NRK: variants seen among roughly 807,000 people sequenced by gnomAD.
The protein encoded by NRK is nik-related protein kinase.
A neutral mutation model predicts 125.2 loss-of-function variants in NRK; 67 were observed. The ratio of observed to expected loss-of-function variants is 0.54; its 90% CI spans 0.44 to 0.66. NRK has a LOEUF of 0.66. Ranked by LOEUF, NRK falls within the 30% of genes least tolerant of loss-of-function variation. NRK has a pLI of 0.00. For missense variants in NRK, 1,224 were observed against 1,192.9 expected, an observed-to-expected ratio of 1.03 and a Z score of -0.38; for synonymous variants, 458 against 429.0, an observed-to-expected ratio of 1.07 and a Z score of -0.84.
Position 105,884,744 on chromosome X carries a change from A to C in NRK, c.252+2965A>C, listed in dbSNP as rs2039921126. On this transcript the variant is annotated intron_variant, in intron 4 of 28. Coordinates refer to ENST00000243300, the MANE Select transcript of NRK (RefSeq NM_198465.4). ...CCTAGGTCATTGCTCAAAAGAGTTA[A>C]GGAAATCTTTTTTTTCACTGGATTT... Among the ~76,000 whole-genome samples the C allele has an allele frequency of 4.5e-5, 5 of 112,273 alleles. No individual in the cohort carries two copies. The Admixed American group carries it at 4.7e-4, about 11-fold the overall frequency.
chrX:105,864,861 C>A (rs1183560492), intron 2 of NRK, among the ~76,000 whole-genome samples: 2 of 110,548 alleles, frequency 1.8e-5, no homozygotes, highest in Non-Finnish European at 3.8e-5. Context: ...CTTCTCTCTC[C>A]TCTCCCTTCT....
intron 7 of NRK, among the ~76,000 whole-genome samples, chrX:105,896,281 G>A (rs2040081934): frequency 9.0e-6 from 1 of 111,653 alleles, no homozygotes. Flanking sequence ...GGATATAGAG[G>A]ATAAGTCACT....
At position 105,822,801 on chromosome X, in the gene NRK, G is replaced by A; in HGVS notation, c.-45G>A. The A allele has an allele frequency of 8.9e-7, 1 of 1,126,888 alleles. No homozygotes were observed. The highest frequency in any genetic ancestry group is 1.2e-6 in the Non-Finnish European group (1 of 835,317). 92.9% of individuals were successfully genotyped at this position (1,126,888 alleles called of 1,213,427 possible). On this transcript the variant is annotated 5_prime_UTR_variant, in exon 1 of 29. Transcript: ENST00000243300. ...CATCCGCTTCCACCTCAGACTCTGC[G>A]CGCACCCAATTCAGTCGCCCGCTCC...
At chrX:105,900,151 TACACACACACACACACACACACAC>T (rs202022404) in intron 8 of NRK, among the ~76,000 whole-genome samples, 1 of 89,397 alleles carries the variant, frequency 1.1e-5, no homozygotes, top group Non-Finnish European at 2.3e-5. Flanking sequence ...ACTGCTGAAG[TACACACACACACACACACACACAC>T]ACACACACAC....
intron 4 of NRK, among the ~76,000 whole-genome samples, chrX:105,882,726 A>T (rs772688638): frequency 1.8e-5 from 2 of 111,146 alleles, no homozygotes; most frequent in South Asian, 7.6e-4. Flanking sequence ...CTCATGACTC[A>T]TCTATTAAGT....
chrX:105,910,827 C>T (rs1406489123), intron 13 of NRK, among the ~76,000 whole-genome samples: 4 of 111,393 alleles, frequency 3.6e-5, no homozygotes, highest in Non-Finnish European at 7.5e-5. Flanking sequence ...GACCAGTTGG[C>T]GTCAGTGGGG....
intron 6 of NRK, 75 bp from the exon 7 acceptor site, chrX:105,895,356 ACT>A: frequency 1.3e-6 from 1 of 779,503 alleles, no homozygotes; most frequent in South Asian, 2.2e-5. Flanking sequence ...AATACTAAGA[ACT>A]GTACCAGAAA....
At chrX:105,941,990 T>G (rs1451503649) in intron 23 of NRK, among the ~76,000 whole-genome samples, 1 of 111,476 alleles carries the variant, frequency 9.0e-6, no homozygotes, top group East Asian at 2.8e-4. Context: ...AGGACTTTCT[T>G]TCTCTATTGA....
chrX:105,919,025 G>C (rs1475111891), intron 16 of NRK, among the ~76,000 whole-genome samples: 3 of 55,016 alleles, frequency 5.5e-5, no homozygotes, highest in African/African-American at 2.2e-4. Flanking sequence ...AAAAAAAAAA[G>C]CACAAGTACA....
intron 11 of NRK, among the ~76,000 whole-genome samples, chrX:105,906,961 T>C (rs1473659963): frequency 1.8e-5 from 2 of 110,586 alleles, no homozygotes; most frequent in Non-Finnish European, 3.8e-5. Context: ...TATATCTTGC[T>C]TTTTTTTCAG....
At chrX:105,866,767 CAT>C (rs758776037) in intron 2 of NRK, among the ~76,000 whole-genome samples, 8 of 112,257 alleles carry the variant, frequency 7.1e-5, no homozygotes, top group African/African-American at 9.7e-5. Flanking sequence ...GCCTCTCACA[CAT>C]ATCAAATGAT....
intron 27 of NRK, among the ~76,000 whole-genome samples, chrX:105,951,240 T>A (rs371406252): frequency 5.4e-5 from 6 of 111,282 alleles, no homozygotes; most frequent in African/African-American, 2.0e-4. Flanking sequence ...GAAATGGTTA[T>A]AAGGAAATTC....
In NRK at chrX:105,914,747, T is replaced by A. The variant is rs755614899; in HGVS notation, c.2350-983T>A. 2.8e-5 allele frequency among the ~76,000 whole-genome samples: 3 copies of A among 108,049 alleles called. No homozygotes were observed. In the East Asian group the frequency reaches 8.7e-4, roughly 31 times the overall value. 93.8% of individuals were successfully genotyped at this position (108,049 alleles called of 115,157 possible). On this transcript the variant is annotated intron_variant, in intron 14 of 28. Coordinates refer to ENST00000243300, the MANE Select transcript of NRK (RefSeq NM_198465.4). Reference sequence around the variant, plus strand: ...GAGAGAGCCTTGATAAGCCACTTCATAAAGAAAAAATAGTTTACTAAGGCT... The same window carrying A: ...GAGAGAGCCTTGATAAGCCACTTCAAAAAGAAAAAATAGTTTACTAAGGCT...
At chrX:105,902,792 T>A (rs943385422) in intron 9 of NRK, among the ~76,000 whole-genome samples, 1 of 111,303 alleles carries the variant, frequency 9.0e-6, no homozygotes, top group African/African-American at 3.3e-5. Flanking sequence ...ATATTTCTTA[T>A]GAGAATCCAA....
At chrX:105,932,964 A>T (rs2040613492) in intron 19 of NRK, among the ~76,000 whole-genome samples, 2 of 111,395 alleles carry the variant, frequency 1.8e-5, no homozygotes, top group South Asian at 7.6e-4. Context: ...TAAAGGAAAT[A>T]ATTATGTCTA....
chrX:105,831,238 A>C (rs778572720), intron 2 of NRK, 119 bp downstream of exon 2: 2 of 480,154 alleles, frequency 4.2e-6, no homozygotes, highest in Admixed American at 3.7e-5. Flanking sequence ...GAGAGAAATC[A>C]AATTAGATAG....
At chrX:105,935,638 A>C (rs111467896) in intron 21 of NRK, among the ~76,000 whole-genome samples, 1 of 108,627 alleles carries the variant, frequency 9.2e-6, no homozygotes, top group South Asian at 4.0e-4. Context: ...AAATACAAAA[A>C]AATTAGCTGG....
chrX:105,915,842 A>G, intron 15 of NRK, 45 bp downstream of exon 15: 3 of 712,466 alleles, frequency 4.2e-6, no homozygotes, highest in Non-Finnish European at 6.5e-6. Context: ...ATAATTATCA[A>G]ATGGAAAATT....
At chrX:105,892,130 A>G (rs1242011292) in intron 5 of NRK, among the ~76,000 whole-genome samples, 1 of 111,744 alleles carries the variant, frequency 8.9e-6, no homozygotes, top group Non-Finnish European at 1.9e-5. Flanking sequence ...CTGAATAGAC[A>G]TGCTCCTGAC....
Sources: gnomAD v4.1 joint callset for allele counts (sites outside exome capture counted in the v4.1 genomes callset) on GRCh38, gnomAD v4.1.1 for gene constraint, MANE v1.5 for transcripts, NCBI Gene and HGNC (gene_info 2026-07-23, HGNC 2026-07-21) for gene names.